Variants in CSMD1 observed in about 807,000 individuals in gnomAD.
CSMD1 encodes the protein CUB and Sushi multiple domains 1.
Under a neutral mutation model 417.5 loss-of-function variants are expected in CSMD1, and 213 were observed. The observed-to-expected ratio is 0.51, with a 90% CI of 0.46 to 0.57. CSMD1 has a LOEUF of 0.57. Ranked by LOEUF, CSMD1 falls within the 20% of genes least tolerant of loss-of-function variation. The probability of loss-of-function intolerance (pLI) is 0.00; values close to 1 mark genes in which losing one functional copy is unlikely to be tolerated. For synonymous variants in CSMD1, 2,862 were observed against 1,736.8 expected (o/e 1.65, Z -16.11); for missense variants, 6,923 against 4,529.7 (o/e 1.53, Z -15.17).
intron 2 of CSMD1, among the ~76,000 whole-genome samples, chr8:4,629,227 G>C (rs1212989047): frequency 2.0e-5 from 3 of 151,982 alleles, no homozygotes; most frequent in Non-Finnish European, 2.9e-5. Context: ...ACTTTATTTT[G>C]AGAAAAATTT....
chr8:4,372,186 G>C (rs997626635), intron 3 of CSMD1, among the ~76,000 whole-genome samples: 1 of 152,066 alleles, frequency 6.6e-6, no homozygotes, highest in Non-Finnish European at 1.5e-5. Context: ...ATATTTTTTT[G>C]TCAGTATTAG....
At chr8:3,335,703 T>G (rs774050184) in intron 23 of CSMD1, among the ~76,000 whole-genome samples, 8 of 152,058 alleles carry the variant, frequency 5.3e-5, no homozygotes, top group Non-Finnish European at 1.0e-4. Context: ...AAATAAAGGT[T>G]AATGGTAACA....
chr8:4,368,381 C>T (rs763006563), intron 3 of CSMD1, among the ~76,000 whole-genome samples: 1 of 152,070 alleles, frequency 6.6e-6, no homozygotes. Flanking sequence ...CTGCTGGATT[C>T]AGTTTGCTGG....
At chr8:3,099,820 T>G (rs1464392112) in intron 46 of CSMD1, among the ~76,000 whole-genome samples, 1 of 152,170 alleles carries the variant, frequency 6.6e-6, no homozygotes, top group Non-Finnish European at 1.5e-5. Flanking sequence ...ATAAACAACT[T>G]GTTATATAAT....
chr8:4,467,894 G>T (rs901359404), intron 2 of CSMD1, among the ~76,000 whole-genome samples: 1 of 152,170 alleles, frequency 6.6e-6, no homozygotes. Context: ...CTAGTGGGTT[G>T]AACACTGGTT....
chr8:4,078,738 T>C (rs1391030922), intron 3 of CSMD1, among the ~76,000 whole-genome samples: 1 of 150,946 alleles, frequency 6.6e-6, no homozygotes, highest in African/African-American at 2.4e-5. Flanking sequence ...AAGGCAACCC[T>C]TGTATTTAAA....
chr8:4,819,591 G>C (rs1179471304), intron 1 of CSMD1, among the ~76,000 whole-genome samples: 2 of 152,058 alleles, frequency 1.3e-5, no homozygotes, highest in East Asian at 1.9e-4. Flanking sequence ...ATCTTGTTAA[G>C]CATTTTCAAA....
chr8:4,509,413 T>C (rs921753093), intron 2 of CSMD1, among the ~76,000 whole-genome samples: 6 of 152,110 alleles, frequency 3.9e-5, no homozygotes, highest in African/African-American at 1.2e-4. Flanking sequence ...ATCAGATGTA[T>C]TGAAATGTAA....
intron 2 of CSMD1, among the ~76,000 whole-genome samples, chr8:4,461,488 G>T (rs1480043560): frequency 7.7e-6 from 1 of 130,342 alleles, no homozygotes; most frequent in African/African-American, 2.9e-5. Flanking sequence ...TAGAATTTAA[G>T]AACATCTCCA....
At chr8:3,286,530 G>C (rs1438347406) in intron 25 of CSMD1, among the ~76,000 whole-genome samples, 2 of 152,160 alleles carry the variant, frequency 1.3e-5, no homozygotes, top group Non-Finnish European at 2.9e-5. Flanking sequence ...TAACTGGTGT[G>C]AGATGGTATC....
chr8:4,969,951 A>G (rs1413222154), intron 1 of CSMD1, among the ~76,000 whole-genome samples: 2 of 152,106 alleles, frequency 1.3e-5, no homozygotes, highest in Admixed American at 1.3e-4. Flanking sequence ...TGCAAACATG[A>G]AACATTTGTG....
intron 7 of CSMD1, among the ~76,000 whole-genome samples, chr8:3,671,527 T>C (rs1203093695): frequency 4.7e-3 from 10 of 2,128 alleles, no homozygotes; most frequent in East Asian, 0.019. Context: ...ATATATATGA[T>C]CATATATATA....
chr8:3,811,395 A>G (rs1015700625), intron 5 of CSMD1, among the ~76,000 whole-genome samples: 1 of 152,200 alleles, frequency 6.6e-6, no homozygotes, highest in African/African-American at 2.4e-5. Flanking sequence ...TCTGATCTAT[A>G]GACCATGTAG....
At chr8:4,704,474 A>G (rs1445917949) in intron 1 of CSMD1, among the ~76,000 whole-genome samples, 4 of 152,198 alleles carry the variant, frequency 2.6e-5, no homozygotes, top group African/African-American at 7.2e-5. Context: ...ATTCAATTTC[A>G]GAAATTTGAA....
At chr8:3,166,148 A>G (rs989983824) in intron 37 of CSMD1, among the ~76,000 whole-genome samples, 1 of 152,302 alleles carries the variant, frequency 6.6e-6, no homozygotes, top group East Asian at 1.9e-4. Context: ...ACATGTATAC[A>G]TAATTCTCTT....
At chr8:3,510,677 G>A (rs1797026628) in intron 10 of CSMD1, among the ~76,000 whole-genome samples, 1 of 16,108 alleles carries the variant, frequency 6.2e-5, no homozygotes, top group East Asian at 9.2e-4. Flanking sequence ...ATAGAGGCAG[G>A]ATTACTTTTT....
chr8:3,907,222 T>C (rs775298612), intron 5 of CSMD1, among the ~76,000 whole-genome samples: 1 of 152,194 alleles, frequency 6.6e-6, no homozygotes, highest in Non-Finnish European at 1.5e-5. Context: ...CAAATAAAAA[T>C]TTCTTGGAAA....
intron 7 of CSMD1, among the ~76,000 whole-genome samples, chr8:3,660,515 T>A (rs2117447680): frequency 2.8e-4 from 1 of 3,516 alleles, no homozygotes. Context: ...TTTTTTTTTT[T>A]TTTTTTTTTT....
rs569700994 is a variant in CSMD1, at chr8:4,493,460, C to G, written c.303-73395G>C. Among the ~76,000 whole-genome samples, 5 of 152,202 alleles carry G rather than the reference C, an allele frequency of 3.3e-5. No homozygotes were observed. In the East Asian group the frequency reaches 9.7e-4, roughly 29 times the overall value. Reference sequence around the variant, plus strand: ...CCTGTAATGCCAACACTTTGGGAGGCTGAGGCAAGAGGATTGCTTGAGTCC... The same window carrying G: ...CCTGTAATGCCAACACTTTGGGAGGGTGAGGCAAGAGGATTGCTTGAGTCC... On this transcript the variant is annotated intron_variant, in intron 2 of 69. Transcript: ENST00000635120.
Sources: allele counts gnomAD v4.1 joint callset (sites outside exome capture counted in the v4.1 genomes callset), GRCh38; gene constraint gnomAD v4.1.1; transcripts MANE v1.5; gene names NCBI Gene and HGNC (gene_info 2026-07-23, HGNC 2026-07-21).